UROS: variants seen among roughly 807,000 people sequenced by gnomAD.
UROS encodes uroporphyrinogen-III synthase.
Under a neutral mutation model 33.0 loss-of-function variants are expected in UROS, and 18 were observed. The ratio of observed to expected loss-of-function variants is 0.55; its 90% CI spans 0.38 to 0.81. The LOEUF is 0.81. UROS is among the 30% of genes least tolerant of loss of function. UROS has a pLI of 0.00. For missense variants in UROS, 293 were observed against 314.9 expected (o/e 0.93, Z 0.53); for synonymous variants, 114 against 121.1 (o/e 0.94, Z 0.38).
In UROS at chr10:125,807,489, T is replaced by C; in HGVS notation, c.320-2A>G. ...CTGTATCCAGGCCAATTTTACTCAC[T>C]GGAAAACCACAAAGAAATGTATTTC... On this transcript the variant is annotated splice_acceptor_variant, in intron 5 of 9. Transcript: ENST00000368797. LOFTEE classifies it high-confidence loss of function. The C allele has an allele frequency of 6.2e-7, 1 of 1,613,042 alleles. No individual in the cohort carries two copies. Among genetic ancestry groups the C allele is most frequent in the South Asian group, 1.1e-5 (1 of 91,074 alleles).
At chr10:125,810,898 T>C (rs1046248445) in intron 5 of UROS, among the ~76,000 whole-genome samples, 5 of 152,230 alleles carry the variant, frequency 3.3e-5, no homozygotes, top group African/African-American at 1.2e-4. Flanking sequence ...ACACTTCTAA[T>C]TTCCTCTCTC....
At chr10:125,792,110 C>A (rs968838580) in intron 9 of UROS, 4 of 151,984 alleles carry the variant, frequency 2.6e-5, no homozygotes, top group African/African-American at 9.7e-5. Context: ...ATATTAAAAT[C>A]ATAAAAAGTA....
Position 125,812,298 on chromosome 10 carries a change from A to G in UROS, c.245-10T>C. 1 of 1,613,004 alleles carries G rather than the reference A, an allele frequency of 6.2e-7. No homozygotes were observed. The highest frequency in any genetic ancestry group is 1.3e-5 in the African/African-American group (1 of 75,018). ...AGAGACCTTTCCCAGACTGTAAAAC[A>G]TGAAATGATATGTGAATTGCAAATA... On this transcript the variant is annotated splice_polypyrimidine_tract_variant and intron_variant, in intron 4 of 9. Transcript: ENST00000368797.
chr10:125,786,510 C>T (rs1001814943), downstream of UROS, among the ~76,000 whole-genome samples: 5 of 151,940 alleles, frequency 3.3e-5, no homozygotes, highest in African/African-American at 9.7e-5. Flanking sequence ...CTGATCCGCC[C>T]GCCTCAGCCT....
intron 4 of UROS, 119 bp from the exon 5 acceptor site, chr10:125,812,407 T>C: frequency 1.2e-6 from 1 of 858,834 alleles, no homozygotes. Context: ...AGCAACCAAA[T>C]GTAAAAAACA....
At chr10:125,796,070 A>C (rs780454998) in intron 8 of UROS, 33 bp downstream of exon 8, 2 of 1,608,370 alleles carry the variant, frequency 1.2e-6, no homozygotes, top group Non-Finnish European at 1.7e-6. Flanking sequence ...CTGGGCACCC[A>C]CCCTGCCAGA....
At chr10:125,785,887 C>T (rs1422272035), downstream of UROS, 1 of 152,260 alleles carries the variant, frequency 6.6e-6, no homozygotes, top group Non-Finnish European at 1.5e-5. Flanking sequence ...GAATGTAGAT[C>T]ACACAACTGT....
chr10:125,822,503 A>G (rs1854045648), intron 1 of UROS, among the ~76,000 whole-genome samples: 1 of 151,986 alleles, frequency 6.6e-6, no homozygotes, highest in African/African-American at 2.4e-5. Context: ...TTGTATTTTT[A>G]GTAGAGATGG....
chr10:125,791,761 A>G (rs1850950282), intron 9 of UROS: 1 of 152,208 alleles, frequency 6.6e-6, no homozygotes, highest in African/African-American at 2.4e-5. Context: ...GATGTCCGGA[A>G]TAGGTAAATC....
rs117114217 is a variant in UROS at position 125,801,384 on chromosome 10, A to T, written c.395-3239T>A. Among the ~76,000 whole-genome samples, 33 of 152,394 alleles carry T rather than the reference A, an allele frequency of 2.2e-4. No homozygotes were observed. The East Asian group carries it at 6.4e-3, about 29-fold the overall frequency. On this transcript the variant is annotated intron_variant, in intron 6 of 9. Coordinates refer to ENST00000368797, the MANE Select transcript of UROS (RefSeq NM_000375.3). ...GGAAAGAAGGAGAATCTATCAGAAC[A>T]ATGAGTTATCAGATTAAATGGATTA...
rs557637775 is a variant in UROS at position 125,815,215 on chromosome 10, G to A, written c.148-85C>T. On this transcript the variant is annotated intron_variant, in intron 3 of 9. Coordinates refer to ENST00000368797, the MANE Select transcript of UROS (RefSeq NM_000375.3). ...GGAGCTAAGACTCAGAATTCCAAATGCTTCACAATAGTAGTAGGCAAACTA... is the reference window on the plus strand; with the variant it reads ...GGAGCTAAGACTCAGAATTCCAAATACTTCACAATAGTAGTAGGCAAACTA... 13 of 1,458,592 alleles carry A rather than the reference G, an allele frequency of 8.9e-6. No homozygotes were observed. The African/African-American group carries it at 1.5e-4, about 17-fold the overall frequency. The allele number at this position is 1,458,592 out of a possible 1,614,324, so 90.4% of individuals were successfully genotyped here.
intron 1 of UROS, among the ~76,000 whole-genome samples, chr10:125,816,936 A>G (rs952891649): frequency 6.6e-6 from 1 of 152,242 alleles, no homozygotes; most frequent in Non-Finnish European, 1.5e-5. Context: ...ACTTTGGGAA[A>G]TAATTATATT....
intron 4 of UROS, among the ~76,000 whole-genome samples, chr10:125,812,935 G>C (rs1405301575): frequency 1.3e-5 from 2 of 152,112 alleles, no homozygotes; most frequent in East Asian, 3.8e-4. Flanking sequence ...TACATTTTTA[G>C]AAAACAGGGA....
chr10:125,802,635 CCA>C, intron 6 of UROS: 1 of 1,096,516 alleles, frequency 9.1e-7, no homozygotes, highest in Non-Finnish European at 1.1e-6. Flanking sequence ...ACACTTTCTA[CCA>C]CAGATTACAG....
intron 1 of UROS, among the ~76,000 whole-genome samples, chr10:125,817,824 C>A (rs188668495): frequency 2.0e-5 from 3 of 152,106 alleles, no homozygotes; most frequent in Admixed American, 2.0e-4. Context: ...TAACCCCCTA[C>A]GCTATATTAT....
chr10:125,795,353 C>T, intron 8 of UROS: 1 of 307,108 alleles, frequency 3.3e-6, no homozygotes, highest in African/African-American at 2.2e-5. Flanking sequence ...AATGCTCCCT[C>T]CCTCTGGAAG....
At chr10:125,808,058 A>G (rs184582579) in intron 5 of UROS, among the ~76,000 whole-genome samples, 95 of 152,350 alleles carry the variant, frequency 6.2e-4, no homozygotes, top group Admixed American at 1.5e-3. Context: ...AATACAAGTC[A>G]TTTAGGATGA....
chr10:125,793,780 T>A (rs902136266), intron 9 of UROS: 1 of 152,142 alleles, frequency 6.6e-6, no homozygotes, highest in African/African-American at 2.4e-5. Flanking sequence ...ACACCTGACC[T>A]CAGGTGATCC....
chr10:125,818,518 T>TAA (rs2133962638), intron 1 of UROS, among the ~76,000 whole-genome samples: 1 of 125,684 alleles, frequency 8.0e-6, no homozygotes, highest in Non-Finnish European at 1.8e-5. Context: ...AATAATAATA[T>TAA]AAAATTAAAA....
Sources: gnomAD v4.1 joint callset for allele counts (sites outside exome capture counted in the v4.1 genomes callset) on GRCh38, gnomAD v4.1.1 for gene constraint, MANE v1.5 for transcripts, NCBI Gene and HGNC (gene_info 2026-07-23, HGNC 2026-07-21) for gene names.